PCNX2: variants seen among roughly 807,000 people sequenced by gnomAD.
PCNX2 encodes pecanex 2.
A neutral mutation model predicts 223.8 loss-of-function variants in PCNX2; 168 were observed. The observed-to-expected ratio is 0.75, with a 90% confidence interval of 0.66 to 0.85. The LOEUF (loss-of-function observed/expected upper bound fraction) is 0.85. PCNX2 is among the 40% of genes least tolerant of loss of function. The pLI is 0.00. For missense variants in PCNX2, 2,507 were observed against 2,675.5 expected, an observed-to-expected ratio of 0.94 and a Z score of 1.39; for synonymous variants, 1,006 against 1,052.6, an observed-to-expected ratio of 0.96 and a Z score of 0.86.
At chr1:233,255,233 C>T in intron 5 of PCNX2, among the ~76,000 whole-genome samples, 1 of 152,128 alleles carries the variant, frequency 6.6e-6, no homozygotes, top group East Asian at 1.9e-4. Flanking sequence ...GATAGCTTCC[C>T]TAATGTCTGT....
chr1:233,125,440 A>C (rs527608059), intron 21 of PCNX2, among the ~76,000 whole-genome samples: 2 of 152,178 alleles, frequency 1.3e-5, no homozygotes, highest in African/African-American at 2.4e-5. Flanking sequence ...CCGGCGGTCT[A>C]TGCTTCTAAA....
chr1:232,992,472 G>T (rs1170704767), intron 32 of PCNX2, among the ~76,000 whole-genome samples: 1 of 152,216 alleles, frequency 6.6e-6, no homozygotes, highest in Non-Finnish European at 1.5e-5. Flanking sequence ...CAGGAGGCAA[G>T]GGCGGCACAC....
chr1:232,984,271 G>C lies in PCNX2; in HGVS notation c.*33C>G. ...AGAGCAATGCAGGTGGGAGGTGTGG[G>C]GGAGCCAGCCTCCCCGCCCGGCCGC... On this transcript the variant is annotated 3_prime_UTR_variant, in exon 34 of 34. Coordinates refer to ENST00000258229, the MANE Select transcript of PCNX2 (RefSeq NM_014801.4). 1 of 1,546,364 alleles carries C rather than the reference G, an allele frequency of 6.5e-7. No individual in the cohort carries two copies. The highest frequency in any genetic ancestry group is 8.7e-7 in the Non-Finnish European group (1 of 1,146,168).
chr1:233,111,473 A>C (rs1675112287), intron 21 of PCNX2, among the ~76,000 whole-genome samples: 1 of 152,122 alleles, frequency 6.6e-6, no homozygotes, highest in African/African-American at 2.4e-5. Flanking sequence ...AAGTGGCATA[A>C]TCATGGCTCA....
At chr1:233,291,966 C>T in intron 1 of PCNX2, 1 of 985,290 alleles carries the variant, frequency 1.0e-6, no homozygotes, top group Non-Finnish European at 1.2e-6. Context: ...CCAAGTTATC[C>T]AAATTGACTT....
At chr1:233,282,155 G>C (rs1661225716) in intron 1 of PCNX2, among the ~76,000 whole-genome samples, 1 of 152,122 alleles carries the variant, frequency 6.6e-6, no homozygotes, top group African/African-American at 2.4e-5. Context: ...TCAGCAGCGA[G>C]CAACACAGTT....
intron 23 of PCNX2, among the ~76,000 whole-genome samples, chr1:233,072,362 C>G (rs1303244126): frequency 1.3e-5 from 2 of 152,150 alleles, no homozygotes; most frequent in Non-Finnish European, 2.9e-5. Context: ...CTGCATATGG[C>G]TAGCCAGTTA....
intron 27 of PCNX2, among the ~76,000 whole-genome samples, chr1:233,015,442 T>C (rs1272693553): frequency 6.6e-6 from 1 of 152,174 alleles, no homozygotes; most frequent in African/African-American, 2.4e-5. Context: ...CTCACGCCTG[T>C]AATCTGAGCA....
intron 5 of PCNX2, 134 bp downstream of exon 5, chr1:233,257,894 T>C: frequency 1.6e-6 from 2 of 1,218,302 alleles, no homozygotes; most frequent in Non-Finnish European, 2.2e-6. Context: ...CAAATATTGA[T>C]GAGAAAGCCA....
chr1:233,308,484 G>A, the PCNX2 span, among the ~76,000 whole-genome samples: 1,531 of 149,534 alleles, frequency 0.01, 25 homozygotes, highest in African/African-American at 0.035. Context: ...GAAAGAAAAA[G>A]AAAAAGAAAA....
chr1:233,293,360 T>G (rs369186510), intron 1 of PCNX2, among the ~76,000 whole-genome samples: 3 of 152,310 alleles, frequency 2.0e-5, no homozygotes, highest in African/African-American at 7.2e-5. Flanking sequence ...TAATTATATA[T>G]GAGATCAGTG....
chr1:233,257,575 T>G (rs560560186), intron 5 of PCNX2, among the ~76,000 whole-genome samples: 20 of 152,244 alleles, frequency 1.3e-4, no homozygotes, highest in African/African-American at 4.8e-4. Flanking sequence ...GTTATTATTA[T>G]GTGTACAACA....
At chr1:233,244,930 C>G (rs1659011670) in intron 8 of PCNX2, among the ~76,000 whole-genome samples, 1 of 152,200 alleles carries the variant, frequency 6.6e-6, no homozygotes, top group African/African-American at 2.4e-5. Context: ...ACCGTCCCAC[C>G]AAAGATGAGG....
chr1:233,104,690 T>A (rs1485577979), intron 21 of PCNX2, among the ~76,000 whole-genome samples: 1 of 152,048 alleles, frequency 6.6e-6, no homozygotes, highest in Non-Finnish European at 1.5e-5. Flanking sequence ...TATTAGAACC[T>A]TACACCAACC....
intron 23 of PCNX2, among the ~76,000 whole-genome samples, chr1:233,079,527 C>CAAAAAAAAAAA (rs1160625472): frequency 1.4e-5 from 1 of 69,400 alleles, no homozygotes; most frequent in Non-Finnish European, 3.0e-5. Flanking sequence ...CACTCCGTCT[C>CAAAAAAAAAAA]AAAAAAAAAA....
rs574846967 is a variant in PCNX2 at position 233,287,591 on chromosome 1, A to G, written c.153+7735T>C. 1.6e-3 allele frequency among the ~76,000 whole-genome samples: 243 copies of G among 152,320 alleles called. 1 individual carries two copies. The highest frequency in any genetic ancestry group is 5.4e-3 in the African/African-American group (225 of 41,576). ...TCATTTGCCTTGTGCCATGACTGTG[A>G]GGCCTCCCTAGCCATGTGAAACTGT... is the stretch of plus-strand genomic sequence containing the variant. On this transcript the variant is annotated intron_variant, in intron 1 of 33. Coordinates refer to ENST00000258229, the MANE Select transcript of PCNX2 (RefSeq NM_014801.4).
chr1:233,277,794 G>A (rs942875317), intron 1 of PCNX2, among the ~76,000 whole-genome samples: 4 of 151,990 alleles, frequency 2.6e-5, no homozygotes, highest in East Asian at 1.9e-4. Context: ...AAGTCAACAC[G>A]GTGCCTTGAC....
At chr1:233,318,475 A>C in the PCNX2 span, among the ~76,000 whole-genome samples, 1 of 150,872 alleles carries the variant, frequency 6.6e-6, no homozygotes, top group Admixed American at 6.6e-5. Flanking sequence ...TGAACCCATA[A>C]TCATTGTTCT....
chr1:233,100,973 T>C lies in PCNX2; in HGVS notation c.3838-5110A>G, dbSNP rs116656191. Among the ~76,000 whole-genome samples the C allele has an allele frequency of 7.1e-3, 1,081 of 152,312 alleles. 7 individuals carry two copies. The highest frequency in any genetic ancestry group is 0.01 in the Non-Finnish European group (700 of 68,030). On this transcript the variant is annotated intron_variant, in intron 21 of 33. Coordinates refer to ENST00000258229, the MANE Select transcript of PCNX2 (RefSeq NM_014801.4). ...ACCAATATTTGAACTTAACGGGGTA[T>C]ACAAGGCTGAATGGCATCGCAGAAA...
Sources: gnomAD v4.1 joint callset for allele counts (sites outside exome capture counted in the v4.1 genomes callset) on GRCh38, gnomAD v4.1.1 for gene constraint, MANE v1.5 for transcripts, NCBI Gene and HGNC (gene_info 2026-07-23, HGNC 2026-07-21) for gene names.